The following CNTN4 variants were observed in gnomAD, a reference collection of about 807,000 sequenced individuals.
CNTN4 encodes contactin-4.
In CNTN4, 77 loss-of-function variants were observed where a neutral mutation model predicts 122.5. The observed-to-expected ratio is 0.63, with a 90% CI of 0.52 to 0.76. The LOEUF (loss-of-function observed/expected upper bound fraction) is 0.76. CNTN4 is among the 30% of genes least tolerant of loss of function. The pLI, the probability that CNTN4 is intolerant of heterozygous loss-of-function variation, is 0.00. For synonymous variants in CNTN4, 512 were observed against 447.0 expected (o/e 1.15, Z -1.83); for missense variants, 1,256 against 1,259.1 (o/e 1.00, Z 0.04).
At chr3:2,775,483 G>T (rs956292983) in intron 6 of CNTN4, among the ~76,000 whole-genome samples, 1 of 151,926 alleles carries the variant, frequency 6.6e-6, no homozygotes, top group Non-Finnish European at 1.5e-5. Context: ...GCAGTGGCAC[G>T]ATCTCGGCCC....
chr3:2,260,102 G>A (rs1347386108), intron 2 of CNTN4, among the ~76,000 whole-genome samples: 1 of 152,090 alleles, frequency 6.6e-6, no homozygotes, highest in South Asian at 2.1e-4. Context: ...GAGCACGTAG[G>A]CACCATTTTC....
chr3:2,967,741 G>C (rs927049288), intron 13 of CNTN4, among the ~76,000 whole-genome samples: 20 of 152,042 alleles, frequency 1.3e-4, no homozygotes, highest in Admixed American at 1.3e-3. Context: ...GTAAGTTAGT[G>C]GTGAATTCAG....
intron 13 of CNTN4, among the ~76,000 whole-genome samples, chr3:2,934,673 T>A (rs929434595): frequency 6.6e-6 from 1 of 152,346 alleles, no homozygotes; most frequent in African/African-American, 2.4e-5. Context: ...CCTCAGGATA[T>A]CTCTTACAGT....
rs76086072 is a variant in CNTN4, at chr3:2,328,275, G to C, written c.-144-10903G>C. Reference sequence around the variant, plus strand: ...AAAAAAATTAGCCGGGCGTGGTGGCGGGCGCCTGTAGTCCCAGCTACTCGG... The same window carrying C: ...AAAAAAATTAGCCGGGCGTGGTGGCCGGCGCCTGTAGTCCCAGCTACTCGG... On this transcript the variant is annotated intron_variant, in intron 2 of 24. Transcript: ENST00000418658. Among the ~76,000 whole-genome samples the C allele has an allele frequency of 1.4e-5, 2 of 146,974 alleles. 1 individual carries two copies. Among genetic ancestry groups the C allele is most frequent in the South Asian group, 4.5e-4 (2 of 4,484 alleles).
At chr3:2,226,674 C>A (rs6783707) in intron 2 of CNTN4, among the ~76,000 whole-genome samples, 4,402 of 152,142 alleles carry the variant, frequency 0.029, 90 homozygotes, top group Middle Eastern at 0.044. Context: ...CTATTAAGTT[C>A]TTCATTAAGA....
chr3:2,302,557 A>G (rs1394717796), intron 2 of CNTN4, among the ~76,000 whole-genome samples: 1 of 152,236 alleles, frequency 6.6e-6, no homozygotes, highest in East Asian at 1.9e-4. Context: ...TCGTTGAAAT[A>G]TTTAATTTTG....
At chr3:2,510,712 G>A (rs1039723658) in intron 3 of CNTN4, among the ~76,000 whole-genome samples, 1 of 152,120 alleles carries the variant, frequency 6.6e-6, no homozygotes, top group African/African-American at 2.4e-5. Flanking sequence ...TTGATAAAGC[G>A]CAGAACACAT....
chr3:2,224,520 GT>G (rs1489143695), intron 2 of CNTN4, among the ~76,000 whole-genome samples: 2 of 152,088 alleles, frequency 1.3e-5, no homozygotes, highest in African/African-American at 2.4e-5. Context: ...ATTCAACTGT[GT>G]ACCATTACTG....
chr3:2,211,208 G>A (rs1461680949), intron 2 of CNTN4, among the ~76,000 whole-genome samples: 1 of 151,874 alleles, frequency 6.6e-6, no homozygotes, highest in Non-Finnish European at 1.5e-5. Flanking sequence ...CGGGGGTTGG[G>A]CGCCACACAC....
At position 3,034,738 on chromosome 3, in the gene CNTN4, T is replaced by C; in HGVS notation, c.1890T>C (p.Tyr630=). 1.2e-6 allele frequency: 2 copies of C among 1,614,050 alleles called. No individual in the cohort carries two copies. The highest frequency in any genetic ancestry group is 2.2e-5 in the South Asian group (2 of 91,066). ...ACAACCACAGCCCCATCACCATGTATGTCATTCAAGCCAGGACTCCATTCT... is the reference window on the plus strand; with the variant it reads ...ACAACCACAGCCCCATCACCATGTACGTCATTCAAGCCAGGACTCCATTCT... ...GPDNHSPITM[Y]VIQARTPFSV... The change falls in exon 17 of 25, where the codon TAT becomes TAC. Residue 630 remains tyrosine (Y), a synonymous_variant. Coordinates refer to ENST00000418658, the MANE Select transcript of CNTN4 (RefSeq NM_175607.3).
chr3:2,152,705 C>T (rs2035547437), intron 2 of CNTN4, among the ~76,000 whole-genome samples: 1 of 152,136 alleles, frequency 6.6e-6, no homozygotes, highest in African/African-American at 2.4e-5. Flanking sequence ...AGGAGACACC[C>T]ACCGTTCCCA....
At chr3:2,897,297 G>C (rs1311152002) in intron 10 of CNTN4, among the ~76,000 whole-genome samples, 2 of 152,154 alleles carry the variant, frequency 1.3e-5, no homozygotes, top group Non-Finnish European at 2.9e-5. Context: ...TGAATTTGTA[G>C]TTTGAGAACA....
At chr3:2,689,861 C>T (rs1409664956) in intron 4 of CNTN4, among the ~76,000 whole-genome samples, 3 of 152,074 alleles carry the variant, frequency 2.0e-5, no homozygotes, top group Non-Finnish European at 2.9e-5. Context: ...AAATTCTTAC[C>T]GGTTCACTGT....
At chr3:2,188,076 C>G (rs1396201985) in intron 2 of CNTN4, among the ~76,000 whole-genome samples, 1 of 152,052 alleles carries the variant, frequency 6.6e-6, no homozygotes, top group Non-Finnish European at 1.5e-5. Context: ...ATCAAGGAGG[C>G]TTTCTGAGCC....
At chr3:2,169,239 T>C (rs1039404308) in intron 2 of CNTN4, among the ~76,000 whole-genome samples, 3 of 152,234 alleles carry the variant, frequency 2.0e-5, no homozygotes, top group Middle Eastern at 3.4e-3. Context: ...AGTATATTTG[T>C]TCTAAAAATG....
intron 4 of CNTN4, among the ~76,000 whole-genome samples, chr3:2,599,096 G>T (rs551592282): frequency 5.9e-5 from 9 of 152,242 alleles, no homozygotes; most frequent in South Asian, 2.1e-4. Flanking sequence ...TAGCAACACT[G>T]TAGGTAAGAC....
intron 12 of CNTN4, among the ~76,000 whole-genome samples, chr3:2,920,452 T>C (rs2094417407): frequency 6.6e-6 from 1 of 151,594 alleles, no homozygotes; most frequent in Admixed American, 6.6e-5. Context: ...AGTTTCTTTG[T>C]TTTTGTATTT....
intron 4 of CNTN4, among the ~76,000 whole-genome samples, chr3:2,631,447 C>A (rs776551764): frequency 3.3e-5 from 5 of 151,784 alleles, no homozygotes; most frequent in Non-Finnish European, 7.4e-5. Flanking sequence ...AACAAAATAC[C>A]CCTTAAGAGT....
chr3:2,125,676 G>A (rs2034101289), intron 2 of CNTN4, among the ~76,000 whole-genome samples: 1 of 150,704 alleles, frequency 6.6e-6, no homozygotes, highest in Non-Finnish European at 1.5e-5. Context: ...TACTGCCTCA[G>A]CCTCCTGAGT....
Sources: gnomAD v4.1 joint callset for allele counts (sites outside exome capture counted in the v4.1 genomes callset) on GRCh38, gnomAD v4.1.1 for gene constraint, MANE v1.5 for transcripts, NCBI Gene and HGNC (gene_info 2026-07-23, HGNC 2026-07-21) for gene names.